WASF3: variants seen among roughly 807,000 people sequenced by gnomAD.
WASF3 encodes the protein WASP family member 3.
Under a neutral mutation model 46.6 loss-of-function variants are expected in WASF3, and 11 were observed. The ratio of observed to expected loss-of-function variants is 0.24; its 90% CI spans 0.15 to 0.39. WASF3 has a LOEUF of 0.39. Ranked by LOEUF, WASF3 falls within the 10% of genes least tolerant of loss-of-function variation. The probability of loss-of-function intolerance (pLI) is 1.00; values close to 1 mark genes in which losing one functional copy is unlikely to be tolerated. For synonymous variants in WASF3, 242 were observed against 259.7 expected (o/e 0.93, Z 0.65); for missense variants, 576 against 669.8 (o/e 0.86, Z 1.55).
chr13:26,541,644 A>AT, the WASF3 span, among the ~76,000 whole-genome samples: 2 of 93,876 alleles, frequency 2.1e-5, no homozygotes, highest in Non-Finnish European at 5.3e-5. Flanking sequence ...CCGGAAGCCC[A>AT]CTTTTTTTTT....
At chr13:26,671,098 T>G (rs1882913619) in intron 5 of WASF3, among the ~76,000 whole-genome samples, 1 of 152,206 alleles carries the variant, frequency 6.6e-6, no homozygotes. Flanking sequence ...TCAAAAGCAT[T>G]AATAGAAAAC....
At chr13:26,637,950 G>A (rs904370536) in intron 2 of WASF3, among the ~76,000 whole-genome samples, 2 of 152,190 alleles carry the variant, frequency 1.3e-5, no homozygotes, top group Admixed American at 6.5e-5. Context: ...ATTTGATTAA[G>A]GATATCACCT....
At chr13:26,591,915 G>T (rs1170539700) in intron 1 of WASF3, among the ~76,000 whole-genome samples, 1 of 152,056 alleles carries the variant, frequency 6.6e-6, no homozygotes, top group Non-Finnish European at 1.5e-5. Context: ...CATCCCTGCC[G>T]GGCTCACTGT....
At chr13:26,605,133 CCTTTGAGTATTG>C (rs1457350781) in intron 1 of WASF3, among the ~76,000 whole-genome samples, 1 of 152,114 alleles carries the variant, frequency 6.6e-6, no homozygotes, top group East Asian at 1.9e-4. Flanking sequence ...TCTCAGTCTG[CCTTTGAGTATTG>C]CTAAAGAAAA....
chr13:26,641,911 T>G (rs939168601), intron 2 of WASF3: 3 of 155,090 alleles, frequency 1.9e-5, no homozygotes, highest in African/African-American at 7.2e-5. Context: ...TTCCTGTCTC[T>G]TAATCTGGTT....
At chr13:26,676,066 A>G (rs1883060025) in intron 6 of WASF3, among the ~76,000 whole-genome samples, 2 of 152,200 alleles carry the variant, frequency 1.3e-5, no homozygotes, top group East Asian at 1.9e-4. Flanking sequence ...GTGTTAAACT[A>G]TTTACAGGAT....
intron 4 of WASF3, among the ~76,000 whole-genome samples, chr13:26,667,298 A>G (rs1478675116): frequency 6.6e-6 from 1 of 151,410 alleles, no homozygotes; most frequent in African/African-American, 2.4e-5. Context: ...AGATTACTAC[A>G]AAAAAAAAGC....
chr13:26,561,904 A>G (rs1391744914), intron 1 of WASF3, among the ~76,000 whole-genome samples: 1 of 152,222 alleles, frequency 6.6e-6, no homozygotes, highest in Non-Finnish European at 1.5e-5. Flanking sequence ...AGTGCTCAAC[A>G]AGTGTACACA....
chr13:26,567,339 C>T (rs151265561), intron 1 of WASF3, among the ~76,000 whole-genome samples: 4,300 of 152,004 alleles, frequency 0.028, 86 homozygotes, highest in South Asian at 0.045. Context: ...CTTTAGAGAC[C>T]GAGAGAGATG....
rs200643046 is a variant in WASF3, at chr13:26,569,814, TTAAAA to T, written c.-109+12001_-109+12005del. Reference sequence around the variant, plus strand: ...CAATCAATTTGGTGAGATTAATAAATTAAAATAAAAGACGGAAGGCACAGATAACA... The same window carrying T: ...CAATCAATTTGGTGAGATTAATAAATTAAAAGACGGAAGGCACAGATAACA... On this transcript the variant is annotated intron_variant, in intron 1 of 9. Coordinates refer to ENST00000335327, the MANE Select transcript of WASF3 (RefSeq NM_006646.6). Among the ~76,000 whole-genome samples the T allele has an allele frequency of 5.6e-3, 857 of 152,182 alleles. 9 individuals carry two copies. The highest frequency in any genetic ancestry group is 0.02 in the African/African-American group (814 of 41,516).
intron 1 of WASF3, among the ~76,000 whole-genome samples, chr13:26,564,763 G>A (rs894460622): frequency 6.6e-6 from 1 of 152,138 alleles, no homozygotes; most frequent in East Asian, 1.9e-4. Context: ...AAAATGTTAT[G>A]TGTTTTGATT....
At chr13:26,570,952 TAGTTAGA>T (rs1879615455) in intron 1 of WASF3, among the ~76,000 whole-genome samples, 4 of 152,230 alleles carry the variant, frequency 2.6e-5, no homozygotes, top group Non-Finnish European at 4.4e-5. Context: ...TATAGCCTGC[TAGTTAGA>T]GGATATTGTG....
intron 1 of WASF3, chr13:26,607,009 A>G (rs1880819935): frequency 6.6e-6 from 1 of 152,224 alleles, no homozygotes; most frequent in Non-Finnish European, 1.5e-5. Flanking sequence ...TGTTAGTCTT[A>G]CTGTGCCTAA....
intron 3 of WASF3, among the ~76,000 whole-genome samples, chr13:26,649,772 G>A (rs1882257578): frequency 1.3e-5 from 2 of 152,120 alleles, no homozygotes; most frequent in African/African-American, 4.8e-5. Context: ...CAGGAGAGGG[G>A]AATGGACTTT....
At chr13:26,565,054 CT>C (rs2137144084) in intron 1 of WASF3, among the ~76,000 whole-genome samples, 1 of 151,848 alleles carries the variant, frequency 6.6e-6, no homozygotes, top group Non-Finnish European at 1.5e-5. Context: ...GACACAGGGT[CT>C]CACTCTGTTG....
intron 3 of WASF3, among the ~76,000 whole-genome samples, chr13:26,653,117 T>C (rs1305350191): frequency 1.3e-5 from 2 of 152,206 alleles, no homozygotes; most frequent in African/African-American, 4.8e-5. Flanking sequence ...AGGCTCTGCA[T>C]CCACGTGTCC....
Position 26,612,941 on chromosome 13 carries a change from T to A in WASF3, c.-108-20T>A, listed in dbSNP as rs1375886830. ...TGCATTTTGCCTACTGGTAATTAATTTTTTTTCTTTTCTTTGTAGTTTTAG... is the reference window on the plus strand; with the variant it reads ...TGCATTTTGCCTACTGGTAATTAATATTTTTTCTTTTCTTTGTAGTTTTAG... On this transcript the variant is annotated intron_variant, in intron 1 of 9. Transcript: ENST00000335327. 1.3e-5 allele frequency: 2 copies of A among 152,108 alleles called. No individual in the cohort carries two copies. The highest frequency in any genetic ancestry group is 3.8e-4 in the East Asian group (2 of 5,198). The allele number at this position is 152,108 out of a possible 1,614,324, so 9.4% of individuals were successfully genotyped here.
At chr13:26,637,238 A>G (rs1366004019) in intron 2 of WASF3, among the ~76,000 whole-genome samples, 1 of 152,202 alleles carries the variant, frequency 6.6e-6, no homozygotes, top group Non-Finnish European at 1.5e-5. Flanking sequence ...AGGCCTCTGC[A>G]GCATATTCCA....
chr13:26,688,359 G>A lies in WASF3; in HGVS notation c.*2514G>A, dbSNP rs1382244083. On this transcript the variant is annotated 3_prime_UTR_variant, in exon 10 of 10. Coordinates refer to ENST00000335327, the MANE Select transcript of WASF3 (RefSeq NM_006646.6). ...GTGTTTTAAATTATAGTTATAAATTGTAAGGTAATTTTAAATTGTCCCTCG... is the reference window on the plus strand; with the variant it reads ...GTGTTTTAAATTATAGTTATAAATTATAAGGTAATTTTAAATTGTCCCTCG... 6.6e-6 allele frequency: 1 copy of A among 152,178 alleles called. No individual in the cohort carries two copies. The highest frequency in any genetic ancestry group is 2.4e-5 in the African/African-American group (1 of 41,428). 9.4% of individuals were successfully genotyped at this position (152,178 alleles called of 1,614,324 possible).
Sources: allele counts gnomAD v4.1 joint callset (sites outside exome capture counted in the v4.1 genomes callset), GRCh38; gene constraint gnomAD v4.1.1; transcripts MANE v1.5; gene names NCBI Gene and HGNC (gene_info 2026-07-23, HGNC 2026-07-21).